The following MCM3 variants were observed in gnomAD, a reference collection of about 807,000 sequenced individuals.
The protein encoded by MCM3 is DNA replication licensing factor MCM3.
MCM3 carries 59 observed loss-of-function variants against 91.3 expected under a neutral mutation model. The observed-to-expected ratio is 0.65, with a 90% CI of 0.52 to 0.80. The LOEUF is 0.80. Ranked by LOEUF, MCM3 falls within the 30% of genes least tolerant of loss-of-function variation. The probability of loss-of-function intolerance (pLI) is 0.00; values close to 1 mark genes in which losing one functional copy is unlikely to be tolerated. For synonymous variants in MCM3, 383 were observed against 379.6 expected (o/e 1.01, Z -0.10); for missense variants, 919 against 1,035.4 (o/e 0.89, Z 1.54).
Position 52,266,108 on chromosome 6 carries a change from T to C in MCM3, c.2195A>G (p.Lys732Arg), listed in dbSNP as rs933094720. 2.0e-5 allele frequency: 32 copies of C among 1,614,008 alleles called. No homozygotes were observed. The highest frequency in any genetic ancestry group is 2.5e-5 in the Non-Finnish European group (30 of 1,179,980). The change falls in exon 16 of 17, where the codon AAG (lysine) becomes AGG (arginine). Residue 732 changes from lysine (K) to arginine (R), a missense_variant. Lys to Arg is a conservative substitution (Grantham distance 26). Around this residue, in one of 3 missense-constraint regions of MCM3, gnomAD observed 285 missense variants for 311.4 expected, o/e 0.92. Transcript: ENST00000596288. ...TPKTADSQET[K>R]ESQKVELSES... ...ACTCAACTCCACTTTCTGGGATTCC[T>C]TGGTCTCCTGTGAGTCTGCCGTCTT...
chr6:52,265,819 CAGAA>C (rs1224664676), intron 16 of MCM3, among the ~76,000 whole-genome samples: 2 of 152,018 alleles, frequency 1.3e-5, no homozygotes, highest in African/African-American at 4.8e-5. Context: ...TCTTCTCTCT[CAGAA>C]AGAGAGAATT....
At chr6:52,270,048 G>A (rs879548683) in intron 12 of MCM3, among the ~76,000 whole-genome samples, 10 of 152,166 alleles carry the variant, frequency 6.6e-5, no homozygotes, top group Non-Finnish European at 1.2e-4. Context: ...CTTCCAGCCC[G>A]GACGTGGTGG....
chr6:52,275,708 G>A (rs1047899968), intron 9 of MCM3, among the ~76,000 whole-genome samples: 1 of 152,176 alleles, frequency 6.6e-6, no homozygotes, highest in Middle Eastern at 3.2e-3. Flanking sequence ...ATACATCCCT[G>A]TGACGGAATA....
Position 52,273,354 on chromosome 6 carries a change from T to A in MCM3, c.1552A>T (p.Met518Leu), listed in dbSNP as rs764747643. ...ATATCCACAGCACTACCCAAGGGCA[T>A]AGCTGGTATACCCAAGTTAGGAGAA... ...RAPGEQDGDA[M>L]PLGSAVDILA... The change falls in exon 11 of 17, where the codon ATG becomes TTG. Residue 518 changes from methionine to leucine, a missense_variant and splice_region_variant. Coordinates refer to ENST00000596288, the MANE Select transcript of MCM3 (RefSeq NM_002388.6). 2.5e-6 allele frequency: 4 copies of A among 1,614,124 alleles called. No individual in the cohort carries two copies. Among genetic ancestry groups the A allele is most frequent in the Middle Eastern group, 1.6e-4 (1 of 6,062 alleles).
chr6:52,281,595 C>A (rs557846103), intron 4 of MCM3, among the ~76,000 whole-genome samples: 6 of 151,930 alleles, frequency 3.9e-5, no homozygotes, highest in Non-Finnish European at 8.8e-5. Flanking sequence ...TGAGAAGATT[C>A]GTTGAGTCCA....
chr6:52,275,086 T>C (rs931412496), intron 9 of MCM3, among the ~76,000 whole-genome samples: 2 of 152,180 alleles, frequency 1.3e-5, no homozygotes. Context: ...TTAAAAGCTA[T>C]GGTTTTCAAC....
rs140417464 is a variant in MCM3, at chr6:52,266,646, T to A, written c.2123A>T (p.Tyr708Phe). 11 of 1,614,032 alleles carry A rather than the reference T, an allele frequency of 6.8e-6. No homozygotes were observed. Among genetic ancestry groups the A allele is most frequent in the Non-Finnish European group, 9.3e-6 (11 of 1,180,022 alleles). Residue 708 changes from tyrosine to phenylalanine, a missense_variant, in exon 15 of 17, where the codon TAT becomes TTT. Physicochemically the swap from Tyr to Phe is conservative, Grantham distance 22. Transcript: ENST00000596288. ...TTCCTCCTCTGTGTCACTGAAGTCA[T>A]AGGGGTCGTATGAATCCCCATCTTT... ...DAKDGDSYDP[Y>F]DFSDTEEEMP...
At position 52,264,257 on chromosome 6, in the gene MCM3, G is replaced by A; in HGVS notation, c.*331C>T. 1 of 252,432 alleles carries A rather than the reference G, an allele frequency of 4.0e-6. No homozygotes were observed. Among genetic ancestry groups the A allele is most frequent in the Non-Finnish European group, 7.8e-6 (1 of 128,300 alleles). 15.6% of individuals were successfully genotyped at this position (252,432 alleles called of 1,614,324 possible). On this transcript the variant is annotated 3_prime_UTR_variant, in exon 17 of 17. Coordinates refer to ENST00000596288, the MANE Select transcript of MCM3 (RefSeq NM_002388.6). ...AAAACAGCAAACAGAAAACAGTTGT[G>A]CCCCCAAAAGTACTCAGAAGTCATA...
rs146699762 is a variant in MCM3, at chr6:52,282,185, G to A, written c.401-10C>T. 4.5e-5 allele frequency: 72 copies of A among 1,613,970 alleles called. No homozygotes were observed. In the African/African-American group the frequency reaches 8.1e-4, roughly 18 times the overall value. On this transcript the variant is annotated splice_polypyrimidine_tract_variant and intron_variant, in intron 3 of 16. Transcript: ENST00000596288. Reference sequence around the variant, plus strand: ...GGACGAACTAGAGAACCTAGGGATGGAAAATGTGCATATATAAACTCACCC... The same window carrying A: ...GGACGAACTAGAGAACCTAGGGATGAAAAATGTGCATATATAAACTCACCC...
At position 52,272,292 on chromosome 6, in the gene MCM3, G is replaced by C. The variant is rs1037204119; in HGVS notation, c.1827+9C>G. The C allele has an allele frequency of 1.1e-5, 17 of 1,613,364 alleles. No individual in the cohort carries two copies. Among genetic ancestry groups the C allele is most frequent in the Non-Finnish European group, 1.4e-5 (16 of 1,179,618 alleles). On this transcript the variant is annotated intron_variant, in intron 12 of 16. Coordinates refer to ENST00000596288, the MANE Select transcript of MCM3 (RefSeq NM_002388.6). ...GGGACCCCAAGCCTAGGCTCCCCCA[G>C]GCACTCACCCTGGCGGTGTCTGAGC...
chr6:52,272,263 C>T (rs1765193140), intron 12 of MCM3, 38 bp downstream of exon 12: 1 of 1,605,180 alleles, frequency 6.2e-7, no homozygotes, highest in Non-Finnish European at 8.5e-7. Flanking sequence ...AGCCATATAC[C>T]TAAGGGACCC....
At position 52,272,290 on chromosome 6, in the gene MCM3, C is replaced by T; in HGVS notation, c.1827+11G>A. 1.2e-6 allele frequency: 2 copies of T among 1,613,258 alleles called. No individual in the cohort carries two copies. Among genetic ancestry groups the T allele is most frequent in the Middle Eastern group, 1.7e-4 (1 of 5,990 alleles). ...AAGGGACCCCAAGCCTAGGCTCCCC[C>T]AGGCACTCACCCTGGCGGTGTCTGA... is the stretch of plus-strand genomic sequence containing the variant. On this transcript the variant is annotated intron_variant, in intron 12 of 16. Coordinates refer to ENST00000596288, the MANE Select transcript of MCM3 (RefSeq NM_002388.6).
intron 11 of MCM3, among the ~76,000 whole-genome samples, chr6:52,272,654 T>C (rs1765237211): frequency 2.0e-5 from 3 of 152,214 alleles, no homozygotes; most frequent in South Asian, 4.1e-4. Flanking sequence ...TTAGGTAGTT[T>C]AGGCAGAAAG....
Position 52,283,298 on chromosome 6 carries a change from T to G in MCM3, c.187A>C (p.Asn63His). ...GTATATCCCCTTGCCTCTCACCGGT[T>G]AGCCCTCTTCTCGTTTTTCCTGCGC... ...DLRRKNEKRANRLLNNAFEEL... is the reference protein window; with the variant it reads ...DLRRKNEKRAHRLLNNAFEEL... Residue 63 changes from asparagine to histidine, a missense_variant, in exon 2 of 17, where the codon AAC becomes CAC. By Grantham distance (68) the Asn-to-His change is moderately conservative (BLOSUM62 1). Coordinates refer to ENST00000596288, the MANE Select transcript of MCM3 (RefSeq NM_002388.6). 8 of 1,613,854 alleles carry G rather than the reference T, an allele frequency of 5.0e-6. No homozygotes were observed. Among genetic ancestry groups the G allele is most frequent in the Non-Finnish European group, 6.8e-6 (8 of 1,179,768 alleles).
rs1343053079 is a variant in MCM3 at position 52,267,890 on chromosome 6, C to G, written c.2047G>C (p.Glu683Gln). Reference sequence around the variant, plus strand: ...CTCTTCCTCTTCTGCTCCTGGTCCTCTTGGCTTTTCTCCTCTTCATCTTCT... The same window carrying G: ...CTCTTCCTCTTCTGCTCCTGGTCCTGTTGGCTTTTCTCCTCTTCATCTTCT... Reference protein sequence around the residue: ...ETEDEEEKSQEDQEQKRKRRK... With the variant: ...ETEDEEEKSQQDQEQKRKRRK... Residue 683 changes from glutamate to glutamine, a missense_variant, in exon 14 of 17, where the codon GAG becomes CAG. This residue lies in a region of MCM3 where 285 missense variants were observed against 311.4 expected (regional missense o/e 0.92). Transcript: ENST00000596288. 1.5e-6 allele frequency: 2 copies of G among 1,332,776 alleles called. No homozygotes were observed. The highest frequency in any genetic ancestry group is 2.9e-5 in the African/African-American group (2 of 69,080). The allele number at this position is 1,332,776 out of a possible 1,614,324, so 82.6% of individuals were successfully genotyped here.
At chr6:52,270,630 G>A (rs966505101) in intron 12 of MCM3, among the ~76,000 whole-genome samples, 4 of 152,124 alleles carry the variant, frequency 2.6e-5, no homozygotes, top group Non-Finnish European at 5.9e-5. Context: ...AGCAGACCTA[G>A]AGAATCCAAA....
chr6:52,282,322 T>C (rs1581749615), intron 3 of MCM3, 147 bp from the exon 4 acceptor site: 1 of 718,086 alleles, frequency 1.4e-6, no homozygotes, highest in Non-Finnish European at 2.2e-6. Flanking sequence ...TTATTCACTT[T>C]TTTATTTATA....
chr6:52,282,306 T>C (rs1766175900), intron 3 of MCM3, 131 bp from the exon 4 acceptor site: 2 of 798,654 alleles, frequency 2.5e-6, no homozygotes, highest in African/African-American at 1.7e-5. Context: ...ATTTCAATAT[T>C]ACCTTTTATT....
Position 52,271,907 on chromosome 6 carries a change from T to C in MCM3, c.1827+394A>G, listed in dbSNP as rs182653176. 2.6e-4 allele frequency among the ~76,000 whole-genome samples: 40 copies of C among 152,270 alleles called. No individual in the cohort carries two copies. In the South Asian group the frequency reaches 7.5e-3, roughly 28 times the overall value. ...TTCCTTTGTAAGTACCACACTGGGG[T>C]AAATATTTATAAATATGTACGGAAG... On this transcript the variant is annotated intron_variant, in intron 12 of 16. Coordinates refer to ENST00000596288, the MANE Select transcript of MCM3 (RefSeq NM_002388.6).
Sources: allele counts gnomAD v4.1 joint callset (sites outside exome capture counted in the v4.1 genomes callset), GRCh38; gene constraint gnomAD v4.1.1; regional missense constraint gnomAD v4.1.1; transcripts MANE v1.5; gene names NCBI Gene and HGNC (gene_info 2026-07-23, HGNC 2026-07-21).